The following ASMTL variants were observed in gnomAD, a reference collection of about 807,000 sequenced individuals.
The protein encoded by ASMTL is acetylserotonin O-methyltransferase like, also known as probable bifunctional dTTP/UTP pyrophosphatase/methyltransferase protein.
In ASMTL, 57 loss-of-function variants were observed where a neutral mutation model predicts 60.3. That is an observed-to-expected ratio of 0.95 (90% CI 0.76 to 1.18). ASMTL has a LOEUF of 1.18. ASMTL is among the 50% of genes most tolerant of loss of function. The pLI is 0.00. For missense variants in ASMTL, 981 were observed against 852.6 expected (o/e 1.15, Z -1.88); for synonymous variants, 419 against 373.0 (o/e 1.12, Z -1.42).
At chrX:1,445,213 T>C (rs1181794123) in intron 1 of ASMTL, among the ~76,000 whole-genome samples, 2 of 152,206 alleles carry the variant, frequency 1.3e-5, no homozygotes, top group African/African-American at 2.4e-5. Context: ...GCCCAGTATC[T>C]TCTCAGCTTG....
chrX:1,451,543 C>G (rs774354943), intron 1 of ASMTL, among the ~76,000 whole-genome samples: 1 of 135,518 alleles, frequency 7.4e-6, no homozygotes, highest in African/African-American at 2.8e-5. Context: ...TAGGGGGTCC[C>G]AGGTTACTCT....
At chrX:1,412,521 C>G (rs1261651414) in intron 12 of ASMTL, among the ~76,000 whole-genome samples, 2 of 152,178 alleles carry the variant, frequency 1.3e-5, no homozygotes, top group African/African-American at 4.8e-5. Flanking sequence ...AGCCACCACG[C>G]CTGGCTAATT....
chrX:1,403,632 T>A, intron 12 of ASMTL, 143 bp from the exon 13 acceptor site: 6 of 690,666 alleles, frequency 8.7e-6, no homozygotes, highest in Non-Finnish European at 1.5e-5. Flanking sequence ...CCCACACAGG[T>A]AGGGGAGGGG....
intron 12 of ASMTL, among the ~76,000 whole-genome samples, chrX:1,406,723 G>A (rs1477794362): frequency 2.7e-5 from 4 of 150,406 alleles, no homozygotes; most frequent in Admixed American, 1.3e-4. Context: ...GAGATGGATG[G>A]ATTAGTGAAT....
At chrX:1,435,837 GA>G in intron 3 of ASMTL, 79 bp from the exon 4 acceptor site, 1 of 1,216,956 alleles carries the variant, frequency 8.2e-7, no homozygotes, top group Non-Finnish European at 1.2e-6. Context: ...CCCATTCGCA[GA>G]AGTCACTTGT....
intron 3 of ASMTL, among the ~76,000 whole-genome samples, chrX:1,438,141 C>T (rs6645248): frequency 0.017 from 2,520 of 151,328 alleles, 72 homozygotes; most frequent in African/African-American, 0.057. Context: ...ATACAAAAAT[C>T]AGCCGGGCGT....
chrX:1,414,118 A>T (rs2090146763), intron 11 of ASMTL: 1 of 150,592 alleles, frequency 6.6e-6, no homozygotes, highest in Non-Finnish European at 1.5e-5. Flanking sequence ...AGACACACAG[A>T]GGAGAAGGCC....
At chrX:1,424,106 G>GCATC (rs1372365280) in intron 8 of ASMTL, among the ~76,000 whole-genome samples, 51 of 133,688 alleles carry the variant, frequency 3.8e-4, no homozygotes, top group African/African-American at 1.4e-3. Context: ...ACCCATGCAT[G>GCATC]CATCCATCCA....
chrX:1,433,373 G>T (rs1438746149), intron 5 of ASMTL, among the ~76,000 whole-genome samples: 1 of 151,126 alleles, frequency 6.6e-6, no homozygotes, highest in African/African-American at 2.4e-5. Flanking sequence ...CCTTTTAAGA[G>T]ACCCAGAAGG....
intron 1 of ASMTL, among the ~76,000 whole-genome samples, chrX:1,446,517 T>TC (rs1160031899): frequency 3.3e-5 from 5 of 151,006 alleles, no homozygotes; most frequent in Admixed American, 3.3e-4. Flanking sequence ...TTTTTTTTTT[T>TC]GAGACGGAGT....
At position 1,442,207 on chromosome X, in the gene ASMTL, C is replaced by T. The variant is rs770652510; in HGVS notation, c.204G>A (p.Glu68=). The T allele has an allele frequency of 3.7e-6, 6 of 1,613,816 alleles. No individual in the cohort carries two copies. Among genetic ancestry groups the T allele is most frequent in the Non-Finnish European group, 5.1e-6 (6 of 1,179,864 alleles). The part of the protein sequence containing the change: ...AMETAKQKAL[E]VANRLYQKDL... ...TTGCCTGGTACAGCCGGTTGGCCAC[C>T]TCCAGGGCCTTCTGCTTGGCGGTCT... Residue 68 remains glutamate (E), a synonymous_variant, in exon 2 of 13, where the codon GAG becomes GAA. Transcript: ENST00000381317.
chrX:1,424,014 C>A (rs1191905093), intron 8 of ASMTL, among the ~76,000 whole-genome samples: 12 of 149,150 alleles, frequency 8.0e-5, no homozygotes, highest in Admixed American at 6.0e-4. Flanking sequence ...ACTCATCCAT[C>A]CATCTGTCCA....
intron 11 of ASMTL, chrX:1,413,662 G>C (rs1233222973): frequency 6.6e-6 from 1 of 152,322 alleles, no homozygotes. Flanking sequence ...ACCTTATCTG[G>C]AAATAGGGTC....
rs1244270985 is a variant in ASMTL at position 1,417,957 on chromosome X, CAGG to C, written c.1522+13_1522+15del. ...GTCTGGAAAAGGTTAGCAGGGTGAA[CAGG>C]AGGAGGGCTCACCTGCTGCGAAGTG... On this transcript the variant is annotated intron_variant, in intron 11 of 12. Coordinates refer to ENST00000381317, the MANE Select transcript of ASMTL (RefSeq NM_004192.4). The C allele has an allele frequency of 6.9e-6, 11 of 1,595,116 alleles. No individual in the cohort carries two copies. The highest frequency in any genetic ancestry group is 4.0e-5 in the African/African-American group (3 of 74,588).
At position 1,428,056 on chromosome X, in the gene ASMTL, T is replaced by C. The variant is rs374983355; in HGVS notation, c.575A>G (p.Asp192Gly). ...GGMLVESVHG[D>G]FLNVVGFPLN... ...CGGGAATCCCACCACGTTCAGAAAG[T>C]CCCCGTGTACGGACTCCACCAGCAT... The change falls in exon 7 of 13, where the codon GAC (aspartate) becomes GGC (glycine). Residue 192 changes from aspartate to glycine, a missense_variant. By Grantham distance (94) the Asp-to-Gly change is moderately conservative. Transcript: ENST00000381317. 1 of 1,613,428 alleles carries C rather than the reference T, an allele frequency of 6.2e-7. No individual in the cohort carries two copies. The highest frequency in any genetic ancestry group is 1.3e-5 in the African/African-American group (1 of 74,884).
rs756269975 is a variant in ASMTL at position 1,412,835 on chromosome X, G to A, written c.1542C>T (p.Pro514=). The A allele has an allele frequency of 3.1e-6, 5 of 1,613,756 alleles. No homozygotes were observed. The highest frequency in any genetic ancestry group is 4.2e-6 in the Non-Finnish European group (5 of 1,179,828). Residue 514 remains proline (P), a synonymous_variant, in exon 12 of 13, where the codon CCC becomes CCT. Transcript: ENST00000381317. ...HFAAGDFFRD[P]LPSAELYVLC... ...GGACGTACAGCTCAGCGCTGGGGAGGGGGTCCCTGAAAAAGTCACCTGGTT... is the reference window on the plus strand; with the variant it reads ...GGACGTACAGCTCAGCGCTGGGGAGAGGGTCCCTGAAAAAGTCACCTGGTT...
At chrX:1,446,030 G>A (rs1418268631) in intron 1 of ASMTL, among the ~76,000 whole-genome samples, 11 of 152,090 alleles carry the variant, frequency 7.2e-5, no homozygotes, top group Admixed American at 4.6e-4. Context: ...CTCTCCCTGT[G>A]GTGCTTTGCT....
intron 9 of ASMTL, among the ~76,000 whole-genome samples, chrX:1,419,678 C>G (rs1220647408): frequency 3.3e-5 from 5 of 152,176 alleles, no homozygotes; most frequent in Non-Finnish European, 7.3e-5. Context: ...CCTGGACATC[C>G]CGTCCCTGCA....
intron 5 of ASMTL, among the ~76,000 whole-genome samples, chrX:1,433,318 A>G (rs1192682126): frequency 3.3e-5 from 5 of 151,598 alleles, no homozygotes; most frequent in Admixed American, 2.0e-4. Context: ...AGGGGGCTGG[A>G]GATGGAGTTT....
Sources: allele counts gnomAD v4.1 joint callset (sites outside exome capture counted in the v4.1 genomes callset), GRCh38; gene constraint gnomAD v4.1.1; transcripts MANE v1.5; gene names NCBI Gene and HGNC (gene_info 2026-07-23, HGNC 2026-07-21).